The following GPC3 variants were observed in gnomAD, a reference collection of about 807,000 sequenced individuals.
GPC3 encodes glypican 3, also known as glypican-3.
Under a neutral mutation model 34.4 loss-of-function variants are expected in GPC3, and 3 were observed. The observed-to-expected ratio is 0.09, with a 90% CI of 0.04 to 0.23. GPC3 has a LOEUF of 0.23. GPC3 is among the 10% of genes least tolerant of loss of function. The probability of loss-of-function intolerance (pLI) is 1.00; values close to 1 mark genes in which losing one functional copy is unlikely to be tolerated. For missense variants in GPC3, 351 were observed against 445.6 expected (o/e 0.79, Z 1.91); for synonymous variants, 177 against 174.0 (o/e 1.02, Z -0.13).
In GPC3 at chrX:133,566,721, G is replaced by A. The variant is rs1380119523; in HGVS notation, c.1573+29719C>T. Among the ~76,000 whole-genome samples, 4 of 111,308 alleles carry A rather than the reference G, an allele frequency of 3.6e-5. No homozygotes were observed. The East Asian group carries it at 1.1e-3, about 32-fold the overall frequency. ...GAATCCAGGATAAAGTATGGCCCCAGGTATCTTCCTCCTACAGACAGGACC... is the reference window on the plus strand; with the variant it reads ...GAATCCAGGATAAAGTATGGCCCCAAGTATCTTCCTCCTACAGACAGGACC... On this transcript the variant is annotated intron_variant, in intron 7 of 7. Transcript: ENST00000370818.
At chrX:133,632,211 T>C (rs2070374986) in intron 6 of GPC3, among the ~76,000 whole-genome samples, 1 of 111,622 alleles carries the variant, frequency 9.0e-6, no homozygotes, top group Non-Finnish European at 1.9e-5. Flanking sequence ...CTGATTCTCA[T>C]GTCTCAGCCT....
rs1394654250 is a variant in GPC3 at position 133,956,371 on chromosome X, A to T, written c.176-3160T>A. 3.6e-5 allele frequency among the ~76,000 whole-genome samples: 4 copies of T among 112,497 alleles called. No homozygotes were observed. The East Asian group carries it at 1.1e-3, about 31-fold the overall frequency. Reference sequence around the variant, plus strand: ...CTGTGTTCTTACTACATGAAGTTACAAAATGTAATGCTATTCTAGGAATAG... The same window carrying T: ...CTGTGTTCTTACTACATGAAGTTACTAAATGTAATGCTATTCTAGGAATAG... On this transcript the variant is annotated intron_variant, in intron 1 of 7. Transcript: ENST00000370818.
chrX:133,952,910 G>A (rs2076399279), intron 2 of GPC3, 140 bp downstream of exon 2: 5 of 577,111 alleles, frequency 8.7e-6, no homozygotes, highest in South Asian at 2.6e-5. Context: ...TTTTAAACCA[G>A]AATTTCTCAC....
intron 2 of GPC3, among the ~76,000 whole-genome samples, chrX:133,915,521 A>G (rs1286034071): frequency 8.9e-6 from 1 of 112,184 alleles, no homozygotes; most frequent in African/African-American, 3.2e-5. Context: ...CCCAGAGGAC[A>G]CTTCCAATGA....
chrX:133,846,954 T>A (rs2075849555), intron 2 of GPC3, among the ~76,000 whole-genome samples: 1 of 111,775 alleles, frequency 8.9e-6, no homozygotes, highest in Non-Finnish European at 1.9e-5. Flanking sequence ...TTTCCTAAGT[T>A]TTTTCCACTG....
intron 2 of GPC3, among the ~76,000 whole-genome samples, chrX:133,839,401 G>C (rs772929694): frequency 1.8e-5 from 2 of 111,506 alleles, no homozygotes; most frequent in Non-Finnish European, 3.8e-5. Flanking sequence ...CTTGATTGTG[G>C]TAATCATTTC....
At chrX:133,837,215 T>TGAGTACCCCA (rs1329159670) in intron 2 of GPC3, among the ~76,000 whole-genome samples, 1 of 111,304 alleles carries the variant, frequency 9.0e-6, no homozygotes, top group African/African-American at 3.3e-5. Context: ...GTACCGGGGC[T>TGAGTACCCCA]CAGAGAAAAT....
chrX:133,547,510 A>C (rs1028882930), intron 7 of GPC3, among the ~76,000 whole-genome samples: 2 of 111,315 alleles, frequency 1.8e-5, no homozygotes, highest in Non-Finnish European at 3.8e-5. Context: ...CTGTGCTTTG[A>C]AAGTCAAGTT....
At chrX:133,686,996 G>A (rs900228774) in intron 5 of GPC3, among the ~76,000 whole-genome samples, 16 of 108,859 alleles carry the variant, frequency 1.5e-4, no homozygotes, top group Non-Finnish European at 2.7e-4. Flanking sequence ...TGCGATCTCG[G>A]CTCACTGCAA....
At chrX:133,555,587 G>A (rs2069480686) in intron 7 of GPC3, among the ~76,000 whole-genome samples, 1 of 111,634 alleles carries the variant, frequency 9.0e-6, no homozygotes, top group African/African-American at 3.3e-5. Flanking sequence ...CAGCACTTTG[G>A]GAGGCCAAGG....
intron 1 of GPC3, among the ~76,000 whole-genome samples, chrX:133,984,022 G>A (rs999501412): frequency 1.8e-5 from 2 of 113,182 alleles, no homozygotes; most frequent in African/African-American, 6.4e-5. Flanking sequence ...TGGCTGCCTA[G>A]GTAACCTCCT....
chrX:133,608,685 T>C (rs754475452), intron 6 of GPC3, among the ~76,000 whole-genome samples: 1 of 111,762 alleles, frequency 8.9e-6, no homozygotes, highest in Admixed American at 9.5e-5. Context: ...ATCGGTTCAC[T>C]ATTCTTCCAG....
chrX:133,624,348 C>CA (rs1456269278), intron 6 of GPC3, among the ~76,000 whole-genome samples: 5 of 111,370 alleles, frequency 4.5e-5, no homozygotes, highest in Non-Finnish European at 7.5e-5. Context: ...AAAAACCCTT[C>CA]AAAAAATCAA....
At chrX:133,753,152 C>T in intron 3 of GPC3, among the ~76,000 whole-genome samples, 2 of 112,302 alleles carry the variant, frequency 1.8e-5, no homozygotes, top group Admixed American at 1.9e-4. Context: ...AGACTTACCA[C>T]ATACCAGACA....
In GPC3 at chrX:133,817,181, C is replaced by T. The variant is rs1488927875; in HGVS notation, c.338-63005G>A. The stretch of plus-strand genomic sequence containing the variant: ...TTCCCCCATATATCTAGTACATGAC[C>T]ATTGCCTCTAGGATTTATCCCTCCT... On this transcript the variant is annotated intron_variant, in intron 2 of 7. Coordinates refer to ENST00000370818, the MANE Select transcript of GPC3 (RefSeq NM_004484.4). Among the ~76,000 whole-genome samples the T allele has an allele frequency of 2.7e-5, 3 of 111,544 alleles. No individual in the cohort carries two copies. In the East Asian group the frequency reaches 8.5e-4, roughly 32 times the overall value.
intron 1 of GPC3, among the ~76,000 whole-genome samples, chrX:133,962,477 T>C (rs1170325877): frequency 8.9e-6 from 1 of 111,886 alleles, no homozygotes; most frequent in Admixed American, 9.5e-5. Flanking sequence ...TTGATGCTAC[T>C]AGAGCAACTT....
intron 2 of GPC3, among the ~76,000 whole-genome samples, chrX:133,872,795 A>G (rs1266984383): frequency 9.0e-6 from 1 of 111,618 alleles, no homozygotes; most frequent in Non-Finnish European, 1.9e-5. Flanking sequence ...CTCAGGCAGG[A>G]CCAGCACCAA....
chrX:133,673,927 T>C (rs1603219833), intron 5 of GPC3, among the ~76,000 whole-genome samples: 1 of 112,085 alleles, frequency 8.9e-6, no homozygotes, highest in African/African-American at 3.2e-5. Context: ...ATAAAGGTTA[T>C]TTGAAAAGAA....
chrX:133,580,235 C>A (rs1393271615), intron 7 of GPC3, among the ~76,000 whole-genome samples: 1 of 111,929 alleles, frequency 8.9e-6, no homozygotes, highest in Non-Finnish European at 1.9e-5. Context: ...AAGACTACAA[C>A]CTCTCCTCGA....
Sources: gnomAD v4.1 joint callset for allele counts (sites outside exome capture counted in the v4.1 genomes callset) on GRCh38, gnomAD v4.1.1 for gene constraint, MANE v1.5 for transcripts, NCBI Gene and HGNC (gene_info 2026-07-23, HGNC 2026-07-21) for gene names.